The following SMOC2 variants were observed in gnomAD, a reference collection of about 807,000 sequenced individuals.
The protein encoded by SMOC2 is SPARC related modular calcium binding 2, also known as SPARC-related modular calcium-binding protein 2.
Under a neutral mutation model 61.4 loss-of-function variants are expected in SMOC2, and 39 were observed. That is an observed-to-expected ratio of 0.64 (90% CI 0.49 to 0.83). SMOC2 has a LOEUF of 0.83. Among genes scored for constraint, SMOC2 ranks in the 40% least tolerant of loss-of-function variants. The pLI is 0.00. For missense variants in SMOC2, 556 were observed against 592.9 expected (o/e 0.94, Z 0.65); for synonymous variants, 247 against 239.9 (o/e 1.03, Z -0.27).
chr6:168,453,737 A>C lies in SMOC2; in HGVS notation c.84+12283A>C, dbSNP rs541497220. 6.8e-6 allele frequency among the ~76,000 whole-genome samples: 1 copy of C among 146,094 alleles called. No individual in the cohort carries two copies. The highest frequency in any genetic ancestry group is 2.2e-4 in the South Asian group (1 of 4,556). On this transcript the variant is annotated intron_variant, in intron 1 of 12. Transcript: ENST00000356284. The surrounding 1 kb of genome is among the most constrained non-coding windows in gnomAD (Gnocchi z 4.4). Reference sequence around the variant, plus strand: ...CATTCTACATACTACATCTCTGTCTATCTCTGTCTCTCTGTCTCCCTCTTT... The same window carrying C: ...CATTCTACATACTACATCTCTGTCTCTCTCTGTCTCTCTGTCTCCCTCTTT...
chr6:168,653,198 G>A lies in SMOC2; in HGVS notation c.1255G>A (p.Asp419Asn). 6.2e-7 allele frequency: 1 copy of A among 1,613,970 alleles called. No individual in the cohort carries two copies. The highest frequency in any genetic ancestry group is 8.5e-7 in the Non-Finnish European group (1 of 1,179,922). ...GGGCTGCCTGGGCGTGGCGAAAGAGGACGGCAAAGCGGACACCAAGAAACG... is the reference window on the plus strand; with the variant it reads ...GGGCTGCCTGGGCGTGGCGAAAGAGAACGGCAAAGCGGACACCAAGAAACG... ...LMGCLGVAKE[D>N]GKADTKKRHT... Residue 419 changes from aspartate (D) to asparagine (N), a missense_variant, in exon 11 of 13, where the codon GAC becomes AAC. Asp to Asn is a conservative substitution (Grantham distance 23, BLOSUM62 1). Coordinates refer to ENST00000356284, the MANE Select transcript of SMOC2 (RefSeq NM_001166412.2).
At chr6:168,659,554 G>T (rs77703539) in intron 11 of SMOC2, among the ~76,000 whole-genome samples, 2 of 1,734 alleles carry the variant, frequency 1.2e-3, no homozygotes, top group Non-Finnish European at 2.9e-3. Flanking sequence ...GGCTGGGTGA[G>T]GATGGAGGTT....
chr6:168,588,662 T>G (rs1364694264), intron 7 of SMOC2, among the ~76,000 whole-genome samples: 1 of 152,250 alleles, frequency 6.6e-6, no homozygotes, highest in Non-Finnish European at 1.5e-5. Context: ...GGGGCTGAAC[T>G]GAGACTTAAC....
At chr6:168,533,212 A>C (rs1470797017) in intron 4 of SMOC2, among the ~76,000 whole-genome samples, 1 of 152,064 alleles carries the variant, frequency 6.6e-6, no homozygotes, top group Non-Finnish European at 1.5e-5. Flanking sequence ...TTCACTGTGG[A>C]TGCTCATCCC....
At chr6:168,508,630 C>G (rs1018647281) in intron 1 of SMOC2, among the ~76,000 whole-genome samples, 2 of 152,232 alleles carry the variant, frequency 1.3e-5, no homozygotes, top group East Asian at 1.9e-4. Context: ...TCTTTTTCCT[C>G]TCTTACTGGT....
chr6:168,463,805 G>A (rs1253156795), intron 1 of SMOC2, among the ~76,000 whole-genome samples: 1 of 152,178 alleles, frequency 6.6e-6, no homozygotes, highest in Non-Finnish European at 1.5e-5. Context: ...ACACTCCTAG[G>A]TGGGAAGAGG....
At chr6:168,480,972 A>G (rs1782194651) in intron 1 of SMOC2, among the ~76,000 whole-genome samples, 1 of 152,192 alleles carries the variant, frequency 6.6e-6, no homozygotes, top group African/African-American at 2.4e-5. Context: ...TGAGAACCCT[A>G]TCTCCAGCAA....
chr6:168,483,374 T>A (rs1232316), intron 1 of SMOC2, among the ~76,000 whole-genome samples: 86,184 of 151,704 alleles, frequency 0.57, 25,631 homozygotes, highest in African/African-American at 0.75. Flanking sequence ...TTTGGAATAA[T>A]CAAATAATGT....
intron 1 of SMOC2, among the ~76,000 whole-genome samples, chr6:168,468,371 T>C (rs1200261960): frequency 1.3e-5 from 2 of 152,338 alleles, no homozygotes; most frequent in African/African-American, 2.4e-5. Flanking sequence ...TTCAAAACTT[T>C]GGAGCCAAGG....
At chr6:168,548,967 C>T (rs1050450944) in intron 6 of SMOC2, among the ~76,000 whole-genome samples, 162 bp from the exon 7 acceptor site, 21 of 152,156 alleles carry the variant, frequency 1.4e-4, no homozygotes, top group Admixed American at 1.2e-3. Context: ...GATTTCCTTT[C>T]GTCTGAGGCA....
intron 1 of SMOC2, among the ~76,000 whole-genome samples, chr6:168,491,351 G>A (rs190690179): frequency 5.9e-5 from 9 of 152,304 alleles, no homozygotes; most frequent in African/African-American, 1.4e-4. Context: ...AAAGATGTTA[G>A]TTTCCATAAC....
At chr6:168,625,120 G>A (rs765080746) in intron 9 of SMOC2, among the ~76,000 whole-genome samples, 3 of 152,168 alleles carry the variant, frequency 2.0e-5, no homozygotes, top group Non-Finnish European at 4.4e-5. Context: ...CTCCTGCTTC[G>A]CGTTTGCTCC....
chr6:168,451,570 G>A lies in SMOC2; in HGVS notation c.84+10116G>A, dbSNP rs184390266. On this transcript the variant is annotated intron_variant, in intron 1 of 12. Coordinates refer to ENST00000356284, the MANE Select transcript of SMOC2 (RefSeq NM_001166412.2). Reference sequence around the variant, plus strand: ...TCACAGAATCCCTGCCAGGCAGCTCGCGCTCTCTCTCTGTCTCTCTCTGTC... The same window carrying A: ...TCACAGAATCCCTGCCAGGCAGCTCACGCTCTCTCTCTGTCTCTCTCTGTC... 8.1e-4 allele frequency among the ~76,000 whole-genome samples: 120 copies of A among 148,670 alleles called. 1 individual carries two copies. The East Asian group carries it at 0.019, about 23-fold the overall frequency.
At chr6:168,562,601 G>A (rs1784446542) in intron 7 of SMOC2, among the ~76,000 whole-genome samples, 1 of 152,152 alleles carries the variant, frequency 6.6e-6, no homozygotes, top group Admixed American at 6.5e-5. Context: ...CCAAACAAGA[G>A]GCGAGGGCTA....
intron 7 of SMOC2, among the ~76,000 whole-genome samples, chr6:168,573,724 A>G (rs1784728698): frequency 1.3e-5 from 2 of 152,074 alleles, no homozygotes; most frequent in African/African-American, 4.8e-5. Flanking sequence ...TCTCCCCAGC[A>G]GGACCCCGCC....
intron 1 of SMOC2, among the ~76,000 whole-genome samples, chr6:168,494,288 G>A (rs1782539282): frequency 6.6e-6 from 1 of 152,188 alleles, no homozygotes; most frequent in East Asian, 1.9e-4. Context: ...TCTGGGCTCA[G>A]GTAGTTCAGT....
intron 7 of SMOC2, among the ~76,000 whole-genome samples, chr6:168,555,286 G>A (rs577273044): frequency 9.9e-5 from 15 of 152,236 alleles, no homozygotes; most frequent in Non-Finnish European, 2.1e-4. Context: ...GGTTCAACGC[G>A]CGGAGAAATT....
At chr6:168,517,258 G>T (rs1292937928) in intron 2 of SMOC2, among the ~76,000 whole-genome samples, 1 of 152,226 alleles carries the variant, frequency 6.6e-6, no homozygotes, top group African/African-American at 2.4e-5. Context: ...GAGCTGGGGT[G>T]GGGTGGGGAC....
chr6:168,481,880 T>G (rs1782215004), intron 1 of SMOC2, among the ~76,000 whole-genome samples: 1 of 151,616 alleles, frequency 6.6e-6, no homozygotes, highest in Admixed American at 6.6e-5. Context: ...AACCAAAAAC[T>G]TAGGAAATGC....
Sources: allele counts gnomAD v4.1 joint callset (sites outside exome capture counted in the v4.1 genomes callset), GRCh38; gene constraint gnomAD v4.1.1; non-coding constraint Gnocchi (gnomAD v3.1); transcripts MANE v1.5; gene names NCBI Gene and HGNC (gene_info 2026-07-23, HGNC 2026-07-21).